LRRN1: variants seen among roughly 807,000 people sequenced by gnomAD.
LRRN1 encodes the protein leucine rich repeat neuronal 1.
A neutral mutation model predicts 45.8 loss-of-function variants in LRRN1; 14 were observed. That is an observed-to-expected ratio of 0.31 (90% confidence interval 0.20 to 0.48). LRRN1 has a LOEUF of 0.48. Among genes scored for constraint, LRRN1 ranks in the 20% least tolerant of loss-of-function variants. The pLI is 0.99. For missense variants in LRRN1, 789 were observed against 874.2 expected (o/e 0.90, Z 1.23); for synonymous variants, 359 against 330.1 (o/e 1.09, Z -0.95).
intron 1 of LRRN1, among the ~76,000 whole-genome samples, chr3:3,810,503 T>C (rs1692850732): frequency 6.6e-6 from 1 of 152,180 alleles, no homozygotes; most frequent in South Asian, 2.1e-4. Flanking sequence ...AGGACCAGAT[T>C]AGAACAGTGC....
chr3:3,831,388 C>G (rs139560773), intron 1 of LRRN1, among the ~76,000 whole-genome samples: 2 of 152,254 alleles, frequency 1.3e-5, no homozygotes, highest in African/African-American at 2.4e-5. Context: ...TCCTCTGGCA[C>G]GCAAATGTCT....
At chr3:3,832,953 C>A (rs868403359) in intron 1 of LRRN1, among the ~76,000 whole-genome samples, 3 of 152,222 alleles carry the variant, frequency 2.0e-5, no homozygotes, top group South Asian at 2.1e-4. Flanking sequence ...CTGTCCATTA[C>A]AGTAGCTATG....
At chr3:3,813,424 T>C (rs1176698214) in intron 1 of LRRN1, among the ~76,000 whole-genome samples, 1 of 152,190 alleles carries the variant, frequency 6.6e-6, no homozygotes. Flanking sequence ...TTAGACACTA[T>C]TACCAAATAC....
intron 1 of LRRN1, among the ~76,000 whole-genome samples, chr3:3,811,513 C>A (rs1692870934): frequency 6.6e-6 from 1 of 152,124 alleles, no homozygotes; most frequent in Non-Finnish European, 1.5e-5. Flanking sequence ...TTTCATTTTG[C>A]CATATTGCTG....
chr3:3,837,136 C>G (rs1451341123), intron 1 of LRRN1, among the ~76,000 whole-genome samples: 2 of 152,232 alleles, frequency 1.3e-5, no homozygotes, highest in Non-Finnish European at 1.5e-5. Flanking sequence ...CTGCAAAAGT[C>G]TTCCTTAGGA....
chr3:3,843,835 A>C (rs1026851622), intron 1 of LRRN1, among the ~76,000 whole-genome samples: 7 of 152,246 alleles, frequency 4.6e-5, no homozygotes, highest in Non-Finnish European at 7.3e-5. Flanking sequence ...CCAGGAGACA[A>C]ATGAGGTAGT....
At chr3:3,827,306 T>G (rs1250955216) in intron 1 of LRRN1, 4 of 307,180 alleles carry the variant, frequency 1.3e-5, no homozygotes, top group Non-Finnish European at 2.7e-5. Flanking sequence ...CTTAACTTTA[T>G]GCTATACTCT....
At chr3:3,806,620 A>C (rs1301813695) in intron 1 of LRRN1, among the ~76,000 whole-genome samples, 7 of 152,234 alleles carry the variant, frequency 4.6e-5, no homozygotes, top group Non-Finnish European at 1.0e-4. Context: ...CGATAGCAAT[A>C]GACATAGGAC....
chr3:3,817,330 GTTTAT>G (rs927690120), intron 1 of LRRN1, among the ~76,000 whole-genome samples: 3 of 152,130 alleles, frequency 2.0e-5, no homozygotes, highest in African/African-American at 7.2e-5. Flanking sequence ...TTGAAATCAA[GTTTAT>G]TTTAAGAGTT....
intron 1 of LRRN1, among the ~76,000 whole-genome samples, chr3:3,821,111 G>A (rs539589690): frequency 1.3e-5 from 2 of 152,306 alleles, no homozygotes; most frequent in East Asian, 3.9e-4. Context: ...TCTCCATGAG[G>A]CATGAGAATG....
rs35362954 is a variant in LRRN1 at position 3,845,824 on chromosome 3, C to G, written c.1183C>G (p.Leu395Val). The G allele has an allele frequency of 0.035, 57,208 of 1,614,108 alleles. 1,248 individuals carry two copies. The highest frequency in any genetic ancestry group is 0.063 in the Middle Eastern group (382 of 6,060). Residue 395 changes from leucine (L) to valine (V), a missense_variant, in exon 2 of 2, where the codon CTG becomes GTG. By Grantham distance (32) the Leu-to-Val change is conservative. Transcript: ENST00000319331. This position sits in a 1 kb window ranked among gnomAD's most constrained non-coding sequence, Gnocchi z 6.5. ...AACCAACATCCGCTTCATGGAGCCC[C>G]TGTCCATGTTCTGTGCCATGCCGCC... ...NKTNIRFMEP[L>V]SMFCAMPPEY...
At chr3:3,832,062 G>C (rs964384455) in intron 1 of LRRN1, among the ~76,000 whole-genome samples, 4 of 152,192 alleles carry the variant, frequency 2.6e-5, no homozygotes, top group Non-Finnish European at 5.9e-5. Flanking sequence ...GCTGCAATTG[G>C]AGTCACGACT....
chr3:3,833,800 G>A (rs1360442223), intron 1 of LRRN1, among the ~76,000 whole-genome samples: 1 of 152,158 alleles, frequency 6.6e-6, no homozygotes, highest in Non-Finnish European at 1.5e-5. Context: ...TGCCACTACT[G>A]GGGATGGGGA....
Position 3,845,192 on chromosome 3 carries a change from G to A in LRRN1, c.551G>A (p.Ser184Asn), listed in dbSNP as rs143091134. The A allele has an allele frequency of 5.0e-6, 8 of 1,614,034 alleles. No homozygotes were observed. Among genetic ancestry groups the A allele is most frequent in the Non-Finnish European group, 6.8e-6 (8 of 1,180,038 alleles). The change falls in exon 2 of 2, where the codon AGT becomes AAT. Residue 184 changes from serine (S) to asparagine (N), a missense_variant. By Grantham distance (46) the Ser-to-Asn change is conservative. Coordinates refer to ENST00000319331, the MANE Select transcript of LRRN1 (RefSeq NM_020873.7). This position sits in a 1 kb window ranked among gnomAD's most constrained non-coding sequence, Gnocchi z 6.5. ...TCCAACAAATTGAAAGTTATTGATA[G>A]TCGCTGGTTTGATTCTACACCCAAC... ...LNSNKLKVID[S>N]RWFDSTPNLE...
chr3:3,813,526 G>A (rs1394143843), intron 1 of LRRN1, among the ~76,000 whole-genome samples: 1 of 151,948 alleles, frequency 6.6e-6, no homozygotes, highest in Non-Finnish European at 1.5e-5. Context: ...AGTAAATCTT[G>A]GACTCCCTTG....
intron 1 of LRRN1, among the ~76,000 whole-genome samples, chr3:3,834,547 TATATATG>T (rs1184780944): frequency 2.5e-5 from 3 of 120,664 alleles, no homozygotes; most frequent in African/African-American, 5.8e-5. Flanking sequence ...TATATATATA[TATATATG>T]ATATATATAT....
rs1046738683 is a variant in LRRN1 at position 3,848,981 on chromosome 3, T to C, written c.*2189T>C. 3.3e-5 allele frequency among the ~76,000 whole-genome samples: 5 copies of C among 152,204 alleles called. No individual in the cohort carries two copies. Among genetic ancestry groups the C allele is most frequent in the East Asian group, 1.9e-4 (1 of 5,190 alleles). On this transcript the variant is annotated 3_prime_UTR_variant, in exon 2 of 2. Transcript: ENST00000319331. ...AAGTATGTATGGGAAACACAGAGAATTGGAGCTGCGTTGAATGCAAACTTG... is the reference window on the plus strand; with the variant it reads ...AAGTATGTATGGGAAACACAGAGAACTGGAGCTGCGTTGAATGCAAACTTG...
chr3:3,807,373 T>C (rs970064046), intron 1 of LRRN1, among the ~76,000 whole-genome samples: 2 of 152,226 alleles, frequency 1.3e-5, no homozygotes, highest in Admixed American at 1.3e-4. Flanking sequence ...GATTTTTGTT[T>C]TTTCTTTGAT....
rs117056664 is a variant in LRRN1 at position 3,848,772 on chromosome 3, C to T, written c.*1980C>T. 1.8e-3 allele frequency among the ~76,000 whole-genome samples: 281 copies of T among 152,282 alleles called. 2 individuals carry two copies. The South Asian group carries it at 0.026, about 14-fold the overall frequency. ...GGACTCCTGCCAGTTCAGCGCTCTG[C>T]ACTCCATTGATTGTTCTAGGCCCGG... On this transcript the variant is annotated 3_prime_UTR_variant, in exon 2 of 2. Transcript: ENST00000319331.
Sources: allele counts gnomAD v4.1 joint callset (sites outside exome capture counted in the v4.1 genomes callset), GRCh38; gene constraint gnomAD v4.1.1; non-coding constraint Gnocchi (gnomAD v3.1); transcripts MANE v1.5; gene names NCBI Gene and HGNC (gene_info 2026-07-23, HGNC 2026-07-21).